The following STAG1 variants were observed in gnomAD, a reference collection of about 807,000 sequenced individuals.
STAG1 encodes cohesin subunit SA-1.
In STAG1, 26 loss-of-function variants were observed where a neutral mutation model predicts 170.9. The ratio of observed to expected loss-of-function variants is 0.15; its 90% CI spans 0.11 to 0.21. The LOEUF is 0.21. Ranked by LOEUF, STAG1 falls within the 10% of genes least tolerant of loss-of-function variation. The probability of loss-of-function intolerance (pLI) is 1.00; values close to 1 mark genes in which losing one functional copy is unlikely to be tolerated. For synonymous variants in STAG1, 514 were observed against 497.7 expected (o/e 1.03, Z -0.44); for missense variants, 964 against 1,509.5 (o/e 0.64, Z 5.99).
At chr3:136,473,766 G>C (rs552721679) in intron 10 of STAG1, 129 bp from the exon 11 acceptor site, 1 of 655,454 alleles carries the variant, frequency 1.5e-6, no homozygotes, top group South Asian at 1.7e-5. Flanking sequence ...CATAGGATGA[G>C]ACTGAACAAT....
At chr3:136,654,777 A>G (rs1941322754) in intron 1 of STAG1, among the ~76,000 whole-genome samples, 4 of 152,184 alleles carry the variant, frequency 2.6e-5, no homozygotes, top group Admixed American at 2.6e-4. Flanking sequence ...AGTAATTAAA[A>G]CTGTGTGGCA....
chr3:136,490,659 TAAG>T (rs559123572), intron 9 of STAG1, among the ~76,000 whole-genome samples: 43 of 152,328 alleles, frequency 2.8e-4, no homozygotes, highest in Middle Eastern at 3.4e-3. Context: ...GATGAAATAT[TAAG>T]AAGAAGATTA....
At chr3:136,649,436 G>A (rs552413823) in intron 1 of STAG1, among the ~76,000 whole-genome samples, 10 of 144,448 alleles carry the variant, frequency 6.9e-5, no homozygotes, top group African/African-American at 1.3e-4. Context: ...TGGAGATGGC[G>A]CCACTGTACT....
chr3:136,430,806 G>GACACACACACACACACAC lies in STAG1; in HGVS notation c.1650+2732_1650+2749dup, dbSNP rs35492621. ...TAAGAGAAGGAAACAGACATAGACAGACACACACACACACACACACACACA... is the reference window on the plus strand; with the variant it reads ...TAAGAGAAGGAAACAGACATAGACAGACACACACACACACACACACACACACACACACACACACACACA... On this transcript the variant is annotated intron_variant, in intron 16 of 33. Transcript: ENST00000383202. 4.8e-4 allele frequency among the ~76,000 whole-genome samples: 63 copies of GACACACACACACACACAC among 131,160 alleles called. 1 individual carries two copies. The highest frequency in any genetic ancestry group is 7.2e-4 in the Non-Finnish European group (45 of 62,456). The allele number at this position is 131,160 out of a possible 152,430, so 86.0% of individuals were successfully genotyped here. A position where few individuals can be genotyped will look rare whatever the true frequency, so the allele number is the denominator to read the frequency against.
intron 6 of STAG1, among the ~76,000 whole-genome samples, chr3:136,540,746 G>A (rs1257045994): frequency 4.2e-5 from 6 of 141,806 alleles, no homozygotes; most frequent in Admixed American, 7.4e-5. Context: ...TGCTTGAACC[G>A]GGGAGGTAGA....
rs201760079 is a variant in STAG1 at position 136,738,215 on chromosome 3, G to GC, written c.-84+13979dup. On this transcript the variant is annotated intron_variant, in intron 1 of 33. Coordinates refer to ENST00000383202, the MANE Select transcript of STAG1 (RefSeq NM_005862.3). ...TCAAACAGATACAAATTTTCACCAG[G>GC]CCCAGTGGATCAGTCCTGTAATCCT... Among the ~76,000 whole-genome samples the GC allele has an allele frequency of 4.2e-3, 632 of 152,228 alleles. 5 individuals are homozygous for GC. Among genetic ancestry groups the GC allele is most frequent in the African/African-American group, 0.015 (604 of 41,544 alleles).
intron 1 of STAG1, among the ~76,000 whole-genome samples, chr3:136,675,148 C>T (rs1010412735): frequency 6.6e-6 from 1 of 152,168 alleles, no homozygotes. Context: ...CTCACTGTGG[C>T]AGAAACTTTC....
At chr3:136,576,772 A>T (rs2107772857) in intron 4 of STAG1, among the ~76,000 whole-genome samples, 1 of 152,336 alleles carries the variant, frequency 6.6e-6, no homozygotes, top group South Asian at 2.1e-4. Context: ...TACAGAGTCC[A>T]CATTCTTCAA....
At chr3:136,466,347 G>A (rs939262037) in intron 12 of STAG1, among the ~76,000 whole-genome samples, 2 of 152,102 alleles carry the variant, frequency 1.3e-5, no homozygotes, top group South Asian at 2.1e-4. Context: ...GGAGAACTAC[G>A]TGACGAATGC....
At chr3:136,663,821 C>G (rs759004369) in intron 1 of STAG1, among the ~76,000 whole-genome samples, 2 of 152,046 alleles carry the variant, frequency 1.3e-5, no homozygotes, top group African/African-American at 2.4e-5. Flanking sequence ...ACTCCACTCT[C>G]AGATCAGAAA....
intron 4 of STAG1, among the ~76,000 whole-genome samples, chr3:136,578,938 T>A (rs1937536309): frequency 6.6e-6 from 1 of 152,176 alleles, no homozygotes; most frequent in African/African-American, 2.4e-5. Context: ...TAAAAGGAAG[T>A]TCGTGGAACT....
intron 1 of STAG1, among the ~76,000 whole-genome samples, chr3:136,676,602 T>C (rs1014280689): frequency 6.6e-5 from 10 of 152,200 alleles, no homozygotes; most frequent in Admixed American, 3.3e-4. Flanking sequence ...TGTGCCACCA[T>C]ACCCAGCTAA....
chr3:136,495,274 A>G (rs1316373119), intron 9 of STAG1, among the ~76,000 whole-genome samples: 1 of 152,208 alleles, frequency 6.6e-6, no homozygotes, highest in African/African-American at 2.4e-5. Context: ...ATATCACGTC[A>G]TCTACAAAAA....
chr3:136,500,228 T>C lies in STAG1; in HGVS notation c.897A>G (p.Arg299=). The C allele has an allele frequency of 6.5e-7, 1 of 1,549,310 alleles. No individual in the cohort carries two copies. The highest frequency in any genetic ancestry group is 1.4e-5 in the African/African-American group (1 of 73,104). The change falls in exon 9 of 34, where the codon AGA becomes AGG. Residue 299 remains arginine, a synonymous_variant. Coordinates refer to ENST00000383202, the MANE Select transcript of STAG1 (RefSeq NM_005862.3). ...TTATTTTTAAAATCTCTTACCGGTA[T>C]CTATGAACAAATATACCCTTAAAAA... ...NSIFKGIFVH[R]YRDAIAEIRA... is the part of the protein sequence containing the mutation.
rs577655742 is a variant in STAG1 at position 136,626,229 on chromosome 3, C to T, written c.30-2981G>A. 2.0e-5 allele frequency among the ~76,000 whole-genome samples: 3 copies of T among 152,214 alleles called. No individual in the cohort carries two copies. The East Asian group carries it at 5.8e-4, about 29-fold the overall frequency. On this transcript the variant is annotated intron_variant, in intron 2 of 33. Transcript: ENST00000383202. ...GATCATGAGGTCAGAAGTTCGAGAC[C>T]TACCTGGCCAACATAGTGAAACCCC...
At chr3:136,373,944 T>TA (rs1937481652) in intron 23 of STAG1, among the ~76,000 whole-genome samples, 1 of 152,204 alleles carries the variant, frequency 6.6e-6, no homozygotes, top group Admixed American at 6.6e-5. Context: ...AGTGGGGTGT[T>TA]AAAGTCTCCC....
In STAG1 at chr3:136,521,205, T is replaced by C; in HGVS notation, c.676+8A>G. 6.2e-7 allele frequency: 1 copy of C among 1,609,490 alleles called. No homozygotes were observed. Among genetic ancestry groups the C allele is most frequent in the Non-Finnish European group, 8.5e-7 (1 of 1,176,328 alleles). ...AAATGAAAAGGAAATAAAATGTTAA[T>C]TACTTACCAGCCAGGGTACTTGTAT... On this transcript the variant is annotated splice_region_variant and intron_variant, in intron 7 of 33. Coordinates refer to ENST00000383202, the MANE Select transcript of STAG1 (RefSeq NM_005862.3).
intron 31 of STAG1, 103 bp downstream of exon 31, chr3:136,341,338 T>C (rs1252936506): frequency 4.0e-6 from 3 of 746,292 alleles, no homozygotes; most frequent in Non-Finnish European, 6.8e-6. Flanking sequence ...CGAATTATAA[T>C]TTTAACTCCT....
At chr3:136,423,630 A>G (rs2088024177) in intron 16 of STAG1, among the ~76,000 whole-genome samples, 1 of 152,240 alleles carries the variant, frequency 6.6e-6, no homozygotes. Context: ...GTGAAACCAC[A>G]GGTGATTCCA....
Sources: allele counts gnomAD v4.1 joint callset (sites outside exome capture counted in the v4.1 genomes callset), GRCh38; gene constraint gnomAD v4.1.1; transcripts MANE v1.5; gene names NCBI Gene and HGNC (gene_info 2026-07-23, HGNC 2026-07-21).